Variants in SPOP observed in about 807,000 individuals in gnomAD.
SPOP encodes speckle-type POZ protein.
In SPOP, 11 loss-of-function variants were observed where a neutral mutation model predicts 45.6. The observed-to-expected ratio is 0.24, with a 90% CI of 0.15 to 0.40. The LOEUF (loss-of-function observed/expected upper bound fraction) is 0.40, where lower values mean the gene tolerates loss of function less well. Ranked by LOEUF, SPOP falls within the 10% of genes least tolerant of loss-of-function variation. SPOP has a pLI of 1.00. For synonymous variants in SPOP, 166 were observed against 166.3 expected (o/e 1.00, Z 0.01); for missense variants, 152 against 465.6 (o/e 0.33, Z 6.20).
At chr17:49,674,132 C>T (rs987897330) in intron 1 of SPOP, among the ~76,000 whole-genome samples, 1 of 151,610 alleles carries the variant, frequency 6.6e-6, no homozygotes, top group African/African-American at 2.4e-5. Context: ...GGGCAACAGC[C>T]GTGAAACTTG....
intron 1 of SPOP, among the ~76,000 whole-genome samples, chr17:49,652,603 T>TAA (rs1308336057): frequency 6.6e-6 from 1 of 152,312 alleles, no homozygotes; most frequent in African/African-American, 2.4e-5. Context: ...TACCATCTCT[T>TAA]ACAGTAAATT....
intron 1 of SPOP, among the ~76,000 whole-genome samples, chr17:49,630,807 G>A (rs1414821218): frequency 6.6e-6 from 1 of 152,114 alleles, no homozygotes; most frequent in Non-Finnish European, 1.5e-5. Flanking sequence ...CCGATACCAA[G>A]TGAATCTAGA....
intron 6 of SPOP, among the ~76,000 whole-genome samples, chr17:49,608,745 T>C (rs1416383115): frequency 1.3e-5 from 2 of 152,152 alleles, no homozygotes; most frequent in African/African-American, 4.8e-5. Context: ...GTTCATGTTG[T>C]CAAATAAATC....
intron 5 of SPOP, 122 bp downstream of exon 5, chr17:49,618,859 T>C (rs2072147577): frequency 8.3e-7 from 1 of 1,200,274 alleles, no homozygotes; most frequent in Admixed American, 2.3e-5. Flanking sequence ...TAAATAACAT[T>C]TGTGCAGCAC....
chr17:49,667,528 G>A (rs1418424400), intron 1 of SPOP, among the ~76,000 whole-genome samples: 2 of 152,174 alleles, frequency 1.3e-5, no homozygotes, highest in African/African-American at 2.4e-5. Flanking sequence ...GGCAGAGGCT[G>A]TAGTGCACCA....
intron 1 of SPOP, chr17:49,636,764 T>C (rs893869634): frequency 2.6e-5 from 4 of 152,210 alleles, no homozygotes; most frequent in African/African-American, 9.6e-5. Context: ...CTCACCAAGT[T>C]AAGTCAGTAG....
At chr17:49,672,955 A>G (rs2073155245) in intron 1 of SPOP, among the ~76,000 whole-genome samples, 1 of 151,980 alleles carries the variant, frequency 6.6e-6, no homozygotes. Context: ...TCGAAAAAAA[A>G]ACAAAAAACA....
At chr17:49,650,473 G>A (rs1036115006) in intron 1 of SPOP, among the ~76,000 whole-genome samples, 5 of 152,016 alleles carry the variant, frequency 3.3e-5, no homozygotes, top group Admixed American at 2.0e-4. Context: ...CCAGCTACTC[G>A]GGAGGCTGAG....
rs200788623 is a variant in SPOP at position 49,645,948 on chromosome 17, A to AT, written c.-66-23073dup. ...GCTAGCAAGCCTCTGGCATATTTAT[A>AT]TTTTTCACTTCTTAAAGGAAAAGAT... On this transcript the variant is annotated intron_variant, in intron 1 of 9. Transcript: ENST00000504102. Among the ~76,000 whole-genome samples, 893 of 151,396 alleles carry AT rather than the reference A, an allele frequency of 5.9e-3. 13 individuals carry two copies. Among genetic ancestry groups the AT allele is most frequent in the African/African-American group, 0.019 (775 of 41,250 alleles).
intron 1 of SPOP, among the ~76,000 whole-genome samples, chr17:49,662,059 G>A (rs890217582): frequency 2.0e-5 from 3 of 150,678 alleles, no homozygotes; most frequent in Non-Finnish European, 4.4e-5. Context: ...GGGGTAGGGA[G>A]GTCTCTTCCT....
In SPOP at chr17:49,663,400, G is replaced by A. The variant is rs2073014050; in HGVS notation, c.-67+14533C>T. On this transcript the variant is annotated intron_variant, in intron 1 of 9. Transcript: ENST00000504102. ...CCAGTCCATGGGGCCAAAAAGGTTG[G>A]GGACCACTGCTAGCATGAGCTATTA... Among the ~76,000 whole-genome samples the A allele has an allele frequency of 3.3e-5, 5 of 152,312 alleles. No individual in the cohort carries two copies. In the South Asian group the frequency reaches 1.0e-3, roughly 32 times the overall value.
chr17:49,652,456 G>C (rs1194934131), intron 1 of SPOP, among the ~76,000 whole-genome samples: 1 of 152,174 alleles, frequency 6.6e-6, no homozygotes, highest in Non-Finnish European at 1.5e-5. Flanking sequence ...CAATGTCTTT[G>C]TGTGGTTTGA....
At chr17:49,647,911 A>G (rs2072786085) in intron 1 of SPOP, among the ~76,000 whole-genome samples, 1 of 152,348 alleles carries the variant, frequency 6.6e-6, no homozygotes, top group African/African-American at 2.4e-5. Flanking sequence ...TCAAGAAACC[A>G]GTGTCTTTCT....
At chr17:49,673,496 ACT>A (rs2073163524) in intron 1 of SPOP, among the ~76,000 whole-genome samples, 1 of 152,204 alleles carries the variant, frequency 6.6e-6, no homozygotes, top group Admixed American at 6.5e-5. Flanking sequence ...ACAGAGCAAG[ACT>A]CTGTCTCAGA....
intron 1 of SPOP, among the ~76,000 whole-genome samples, chr17:49,642,890 G>T (rs912215937): frequency 5.9e-5 from 9 of 152,216 alleles, no homozygotes; most frequent in Admixed American, 2.6e-4. Flanking sequence ...TACATATAGT[G>T]CTTGTACTTT....
intron 1 of SPOP, among the ~76,000 whole-genome samples, chr17:49,654,471 G>A (rs2072881485): frequency 6.6e-6 from 1 of 152,146 alleles, no homozygotes; most frequent in African/African-American, 2.4e-5. Flanking sequence ...TTAATTCATG[G>A]CATCCACTTT....
chr17:49,602,171 G>T, intron 8 of SPOP, 164 bp from the exon 9 acceptor site: 1 of 743,014 alleles, frequency 1.3e-6, no homozygotes, highest in Non-Finnish European at 2.0e-6. Flanking sequence ...AACCATTTCT[G>T]AAGGTTAGAT....
chr17:49,617,375 C>G (rs763316967), intron 5 of SPOP, among the ~76,000 whole-genome samples: 2 of 152,196 alleles, frequency 1.3e-5, no homozygotes, highest in Non-Finnish European at 2.9e-5. Flanking sequence ...CTCATTTCTT[C>G]ATTCAGGCAA....
chr17:49,622,947 G>A (rs2072249281), intron 1 of SPOP, 71 bp from the exon 2 acceptor site: 2 of 693,172 alleles, frequency 2.9e-6, no homozygotes, highest in South Asian at 1.9e-5. Flanking sequence ...TGTTTGACCT[G>A]ATAGAGGCTG....
Sources: gnomAD v4.1 joint callset for allele counts (sites outside exome capture counted in the v4.1 genomes callset) on GRCh38, gnomAD v4.1.1 for gene constraint, MANE v1.5 for transcripts, NCBI Gene and HGNC (gene_info 2026-07-23, HGNC 2026-07-21) for gene names.